The following SLC47A2 variants were observed in gnomAD, a reference collection of about 807,000 sequenced individuals.
SLC47A2 encodes the protein multidrug and toxin extrusion protein 2.
In SLC47A2, 52 loss-of-function variants were observed where a neutral mutation model predicts 67.7. That is an observed-to-expected ratio of 0.77 (90% CI 0.61 to 0.97). The LOEUF (loss-of-function observed/expected upper bound fraction) is 0.97, where lower values mean the gene tolerates loss of function less well. Among genes scored for constraint, SLC47A2 ranks in the 50% least tolerant of loss-of-function variants. The probability of loss-of-function intolerance (pLI) is 0.00; values close to 1 mark genes in which losing one functional copy is unlikely to be tolerated. For missense variants in SLC47A2, 676 were observed against 712.3 expected, an observed-to-expected ratio of 0.95 and a Z score of 0.58; for synonymous variants, 278 against 292.9, an observed-to-expected ratio of 0.95 and a Z score of 0.52.
At chr17:19,708,694 C>T (rs756714023) in intron 6 of SLC47A2, 22 bp downstream of exon 6, 1 of 1,613,692 alleles carries the variant, frequency 6.2e-7, no homozygotes, top group Non-Finnish European at 8.5e-7. Flanking sequence ...GAAGGGCCTC[C>T]CCACACACCA....
rs1252752322 is a variant in SLC47A2, at chr17:19,707,765, C to G, written c.708G>C (p.Leu236=). 3.1e-6 allele frequency: 5 copies of G among 1,596,726 alleles called. No homozygotes were observed. Among genetic ancestry groups the G allele is most frequent in the East Asian group, 4.6e-5 (2 of 43,626 alleles). The change falls in exon 8 of 17, where the codon CTG becomes CTC. Residue 236 remains leucine, a synonymous_variant. Coordinates refer to ENST00000433844, the MANE Select transcript of SLC47A2 (RefSeq NM_001099646.3). ...TCCCACCTGCCCACGTCTCCAGGTGCAGCTTCTTCAGCACAATGTAGAGAA... is the reference window on the plus strand; with the variant it reads ...TCCCACCTGCCCACGTCTCCAGGTGGAGCTTCTTCAGCACAATGTAGAGAA... ...FLLLYIVLKK[L]HLETWAGWSS... is the part of the protein sequence containing the mutation.
rs759902996 is a variant in SLC47A2, at chr17:19,678,679, T to C, written c.*7A>G. The stretch of plus-strand genomic sequence containing the variant: ...CACTCCTGGCTTTCTATTTCCAAGC[T>C]TCTTTGCTAGTGCCTGGTGGCTAGG... On this transcript the variant is annotated 3_prime_UTR_variant, in exon 17 of 17. Transcript: ENST00000433844. The C allele has an allele frequency of 6.2e-7, 1 of 1,611,346 alleles. No individual in the cohort carries two copies. The highest frequency in any genetic ancestry group is 1.7e-5 in the Admixed American group (1 of 60,012).
rs2085950130 is a variant in SLC47A2, at chr17:19,706,769, CAG to C, written c.728-10_728-9del. ...GGCACTGGCTGGACCAACCTGGAAA[CAG>C]AGGCCCCATGAGCTGACAGCCTGCC... On this transcript the variant is annotated splice_polypyrimidine_tract_variant and intron_variant, in intron 8 of 16. Transcript: ENST00000433844. 1 of 1,598,928 alleles carries C rather than the reference CAG, an allele frequency of 6.3e-7. No individual in the cohort carries two copies. The highest frequency in any genetic ancestry group is 8.5e-7 in the Non-Finnish European group (1 of 1,174,630).
At chr17:19,688,182 A>T (rs1275824895) in intron 13 of SLC47A2, among the ~76,000 whole-genome samples, 1 of 152,228 alleles carries the variant, frequency 6.6e-6, no homozygotes, top group Non-Finnish European at 1.5e-5. Flanking sequence ...AGTGGGATTT[A>T]TCTCTGGGAT....
At chr17:19,689,239 A>G (rs753651252) in intron 13 of SLC47A2, among the ~76,000 whole-genome samples, 5 of 152,122 alleles carry the variant, frequency 3.3e-5, no homozygotes, top group Non-Finnish European at 7.4e-5. Flanking sequence ...GGAAAAACCT[A>G]AAGACCCCCA....
intron 7 of SLC47A2, 142 bp from the exon 8 acceptor site, chr17:19,707,985 C>G (rs936274298): frequency 9.6e-6 from 8 of 831,104 alleles, no homozygotes; most frequent in African/African-American, 3.4e-5. Flanking sequence ...CAGACTCAAC[C>G]AGGGCCCACA....
At chr17:19,695,637 G>C (rs943516330) in intron 13 of SLC47A2, among the ~76,000 whole-genome samples, 3 of 151,482 alleles carry the variant, frequency 2.0e-5, no homozygotes, top group African/African-American at 7.3e-5. Context: ...CTTGATAAAG[G>C]ACTTGTATCC....
At chr17:19,699,618 G>T (rs1249313080) in intron 13 of SLC47A2, among the ~76,000 whole-genome samples, 5 of 152,052 alleles carry the variant, frequency 3.3e-5, no homozygotes, top group Admixed American at 1.3e-4. Flanking sequence ...GCCCAGGCTG[G>T]TCTCAAACTC....
intron 13 of SLC47A2, among the ~76,000 whole-genome samples, chr17:19,696,310 AAATT>A (rs1439430012): frequency 7.3e-5 from 11 of 151,006 alleles, no homozygotes; most frequent in Non-Finnish European, 1.3e-4. Flanking sequence ...AAAAAAAAAA[AAATT>A]AGCCAGGCAG....
chr17:19,706,451 C>T (rs980185899), intron 9 of SLC47A2, among the ~76,000 whole-genome samples, 197 bp downstream of exon 9: 3 of 152,334 alleles, frequency 2.0e-5, no homozygotes, highest in Non-Finnish European at 4.4e-5. Flanking sequence ...CAGCAACAGA[C>T]GGATCAGCCC....
rs559471519 is a variant in SLC47A2 at position 19,681,234 on chromosome 17, A to C, written c.1392+133T>G. 9.2e-4 allele frequency: 676 copies of C among 731,506 alleles called. 2 individuals carry two copies. Among genetic ancestry groups the C allele is most frequent in the Non-Finnish European group, 1.4e-3 (621 of 448,648 alleles). The allele number at this position is 731,506 out of a possible 1,614,324, so 45.3% of individuals were successfully genotyped here. A position where few individuals can be genotyped will look rare whatever the true frequency, so the allele number is the denominator to read the frequency against. On this transcript the variant is annotated intron_variant, in intron 15 of 16. Transcript: ENST00000433844. ...TCTCACAAACAAACAAACAAAAAAA[A>C]AAAACACCTGCAGCTTATACCACAC...
At chr17:19,700,036 A>G (rs2152347934) in intron 13 of SLC47A2, among the ~76,000 whole-genome samples, 1 of 152,360 alleles carries the variant, frequency 6.6e-6, no homozygotes, top group Admixed American at 6.5e-5. Context: ...ACTGCATATC[A>G]TAAGACCCTA....
intron 13 of SLC47A2, among the ~76,000 whole-genome samples, chr17:19,700,952 G>A (rs1287888443): frequency 6.6e-6 from 1 of 151,416 alleles, no homozygotes; most frequent in Non-Finnish European, 1.5e-5. Context: ...TGGGTCACCT[G>A]AGGTCAGGAG....
At position 19,711,588 on chromosome 17, in the gene SLC47A2, C is replaced by CAAAAAAAA. The variant is rs35308426; in HGVS notation, c.486+1107_486+1114dup. On this transcript the variant is annotated intron_variant, in intron 5 of 16. Transcript: ENST00000433844. The stretch of plus-strand genomic sequence containing the variant: ...TGGATGACAGAGCAAAACTCCGTCT[C>CAAAAAAAA]AAAAAAAAAAAAAAAAAAAAAAAAA... 6.5e-3 allele frequency among the ~76,000 whole-genome samples: 214 copies of CAAAAAAAA among 32,990 alleles called. 1 individual carries two copies. Among genetic ancestry groups the CAAAAAAAA allele is most frequent in the Non-Finnish European group, 8.8e-3 (146 of 16,572 alleles). The allele number at this position is 32,990 out of a possible 152,430, so 21.6% of individuals were successfully genotyped here. A position where few individuals can be genotyped will look rare whatever the true frequency, so the allele number is the denominator to read the frequency against.
rs777534294 is a variant in SLC47A2 at position 19,708,300 on chromosome 17, ACCTGACCC to A, written c.623_629+1del. 3 of 1,612,340 alleles carry A rather than the reference ACCTGACCC, an allele frequency of 1.9e-6. No homozygotes were observed. Among genetic ancestry groups the A allele is most frequent in the Non-Finnish European group, 2.5e-6 (3 of 1,180,006 alleles). Reference sequence around the variant, plus strand: ...CCAGGCCCCACCAGCCCCCGGGCTCACCTGACCCCCAGGTTCAGCACAGAAACCAGGGC... The same window carrying A: ...CCAGGCCCCACCAGCCCCCGGGCTCACCAGGTTCAGCACAGAAACCAGGGC... On this transcript the variant is annotated splice_donor_variant and coding_sequence_variant, in exon 7 of 17. Transcript: ENST00000433844. LOFTEE classifies it high-confidence loss of function.
rs189674155 is a variant in SLC47A2 at position 19,683,318 on chromosome 17, C to T, written c.1165-1648G>A. ...CCTACAATGCCCAGGGGACCGCCCT[C>T]CCCCCACCAAACAAAGAGTTATCTG... is the stretch of plus-strand genomic sequence containing the variant. On this transcript the variant is annotated intron_variant, in intron 13 of 16. Coordinates refer to ENST00000433844, the MANE Select transcript of SLC47A2 (RefSeq NM_001099646.3). Among the ~76,000 whole-genome samples the T allele has an allele frequency of 2.0e-5, 3 of 152,236 alleles. No individual in the cohort carries two copies. In the East Asian group the frequency reaches 5.8e-4, roughly 29 times the overall value.
At position 19,712,635 on chromosome 17, in the gene SLC47A2, G is replaced by A. The variant is rs924962356; in HGVS notation, c.486+68C>T. 28 of 1,521,876 alleles carry A rather than the reference G, an allele frequency of 1.8e-5. No individual in the cohort carries two copies. In the African/African-American group the frequency reaches 3.7e-4, roughly 20 times the overall value. The allele number at this position is 1,521,876 out of a possible 1,614,324, so 94.3% of individuals were successfully genotyped here. Reference sequence around the variant, plus strand: ...GGATAGGGATCTTCCGCAGCAGATAGAGTGGGAAAGCAAAAAGCCAGAATT... The same window carrying A: ...GGATAGGGATCTTCCGCAGCAGATAAAGTGGGAAAGCAAAAAGCCAGAATT... On this transcript the variant is annotated intron_variant, in intron 5 of 16. Transcript: ENST00000433844.
rs561028573 is a variant in SLC47A2, at chr17:19,694,347, A to G, written c.1164+8258T>C. 6.6e-5 allele frequency among the ~76,000 whole-genome samples: 10 copies of G among 152,370 alleles called. No homozygotes were observed. The South Asian group carries it at 2.1e-3, about 32-fold the overall frequency. On this transcript the variant is annotated intron_variant, in intron 13 of 16. Transcript: ENST00000433844. ...GGGGACAGAAAAGAACAGTTGGTAT[A>G]TTAATAGTACCTGATTACAAAACTC...
At chr17:19,715,342 G>A (rs1212155269) in intron 1 of SLC47A2, 125 bp from the exon 2 acceptor site, 2 of 769,712 alleles carry the variant, frequency 2.6e-6, no homozygotes, top group African/African-American at 3.5e-5. Context: ...TACGCCTGGG[G>A]AAGCCAGGGC....
Sources: gnomAD v4.1 joint callset for allele counts (sites outside exome capture counted in the v4.1 genomes callset) on GRCh38, gnomAD v4.1.1 for gene constraint, MANE v1.5 for transcripts, NCBI Gene and HGNC (gene_info 2026-07-23, HGNC 2026-07-21) for gene names.